The following LRP1B variants were observed in gnomAD, a reference collection of about 807,000 sequenced individuals.
LRP1B encodes low-density lipoprotein receptor-related protein 1B.
A neutral mutation model predicts 556.6 loss-of-function variants in LRP1B; 217 were observed. That is an observed-to-expected ratio of 0.39 (90% CI 0.35 to 0.44). The LOEUF is 0.44. Among genes scored for constraint, LRP1B ranks in the 20% least tolerant of loss-of-function variants. LRP1B has a pLI of 1.00. For missense variants in LRP1B, 5,053 were observed against 5,620.8 expected (o/e 0.90, Z 3.23); for synonymous variants, 2,047 against 1,865.8 (o/e 1.10, Z -2.50).
chr2:142,046,190 C>T (rs953330134), intron 1 of LRP1B, among the ~76,000 whole-genome samples: 1 of 151,840 alleles, frequency 6.6e-6, no homozygotes, highest in East Asian at 1.9e-4. Context: ...CATTGAATTT[C>T]TTACTCTTTT....
chr2:140,851,549 A>G, intron 28 of LRP1B, 103 bp downstream of exon 28: 2 of 1,373,876 alleles, frequency 1.5e-6, no homozygotes, highest in Non-Finnish European at 2.0e-6. Flanking sequence ...AAAACAGAAA[A>G]AAAAACTTCC....
At chr2:140,698,296 G>A (rs1686507445) in intron 41 of LRP1B, among the ~76,000 whole-genome samples, 1 of 151,852 alleles carries the variant, frequency 6.6e-6, no homozygotes, top group South Asian at 2.1e-4. Context: ...AATCATTACT[G>A]AAGACTCCAG....
intron 1 of LRP1B, among the ~76,000 whole-genome samples, chr2:141,948,154 C>G (rs1452473751): frequency 6.6e-6 from 1 of 151,872 alleles, no homozygotes; most frequent in Non-Finnish European, 1.5e-5. Flanking sequence ...AAAAAATTAG[C>G]TGGGTGTAGT....
At chr2:141,329,410 C>T (rs1454981165) in intron 3 of LRP1B, among the ~76,000 whole-genome samples, 6 of 137,330 alleles carry the variant, frequency 4.4e-5, no homozygotes, top group Non-Finnish European at 7.8e-5. Flanking sequence ...AAAGGGAGGC[C>T]GAGGCTGGTG....
intron 21 of LRP1B, among the ~76,000 whole-genome samples, chr2:140,909,515 A>G (rs1290038248): frequency 6.6e-6 from 1 of 151,528 alleles, no homozygotes; most frequent in African/African-American, 2.4e-5. Flanking sequence ...TGATAAAAAT[A>G]CTCTTAAAAT....
chr2:140,716,950 G>A, intron 35 of LRP1B, 134 bp from the exon 36 acceptor site: 1 of 421,732 alleles, frequency 2.4e-6, no homozygotes. Context: ...GTATTCTTCA[G>A]GATAATTTAC....
At chr2:141,095,007 A>G (rs971795230) in intron 7 of LRP1B, among the ~76,000 whole-genome samples, 19 of 152,284 alleles carry the variant, frequency 1.2e-4, no homozygotes, top group Admixed American at 5.2e-4. Context: ...CCAAGAGGGT[A>G]AAGTGAATGA....
At chr2:140,943,542 T>A (rs998579646) in intron 20 of LRP1B, among the ~76,000 whole-genome samples, 2 of 152,036 alleles carry the variant, frequency 1.3e-5, no homozygotes, top group African/African-American at 4.8e-5. Context: ...AATAAATTTT[T>A]AAAAAATCAA....
Position 141,185,394 on chromosome 2 carries a change from C to T in LRP1B, c.1013+3027G>A, listed in dbSNP as rs114694726. Reference sequence around the variant, plus strand: ...TGGAATATGATCTCTATGCTACCTGCCAACTCTAATGACTATAGAGAAATA... The same window carrying T: ...TGGAATATGATCTCTATGCTACCTGTCAACTCTAATGACTATAGAGAAATA... On this transcript the variant is annotated intron_variant, in intron 7 of 90. Coordinates refer to ENST00000389484, the MANE Select transcript of LRP1B (RefSeq NM_018557.3). Among the ~76,000 whole-genome samples the T allele has an allele frequency of 8.0e-4, 122 of 152,006 alleles. 1 individual carries two copies. The highest frequency in any genetic ancestry group is 2.7e-3 in the African/African-American group (112 of 41,508).
At position 140,450,678 on chromosome 2, in the gene LRP1B, A is replaced by AG; in HGVS notation, c.9964-18dup. On this transcript the variant is annotated splice_polypyrimidine_tract_variant and intron_variant, in intron 62 of 90. Transcript: ENST00000389484. ...GCAACGAAACTTAAAAAAGAAAAAA[A>AG]GAAAAAAAAATGTTGAAGAACCCAG... 1.3e-6 allele frequency: 2 copies of AG among 1,579,060 alleles called. No homozygotes were observed. The highest frequency in any genetic ancestry group is 1.4e-5 in the African/African-American group (1 of 73,342).
At chr2:141,957,263 T>C (rs1222048721) in intron 1 of LRP1B, among the ~76,000 whole-genome samples, 1 of 151,714 alleles carries the variant, frequency 6.6e-6, no homozygotes, top group Non-Finnish European at 1.5e-5. Context: ...TCACAAGGCA[T>C]GGGCTGGGAG....
At chr2:141,470,193 T>G (rs1234061914) in intron 3 of LRP1B, among the ~76,000 whole-genome samples, 2 of 152,232 alleles carry the variant, frequency 1.3e-5, no homozygotes, top group Admixed American at 1.3e-4. Context: ...GATTCCATCA[T>G]GAAAGTTGAA....
intron 2 of LRP1B, among the ~76,000 whole-genome samples, chr2:141,587,875 A>G (rs895992827): frequency 6.6e-6 from 1 of 152,218 alleles, no homozygotes; most frequent in African/African-American, 2.4e-5. Flanking sequence ...TAAACTAGCC[A>G]ACCAATAGTA....
At chr2:141,069,733 T>C (rs981699951) in intron 7 of LRP1B, among the ~76,000 whole-genome samples, 5 of 152,096 alleles carry the variant, frequency 3.3e-5, no homozygotes, top group Non-Finnish European at 7.4e-5. Flanking sequence ...TCTTAGGCTG[T>C]AATTGAAACT....
intron 58 of LRP1B, among the ~76,000 whole-genome samples, chr2:140,485,935 A>G (rs1469184438): frequency 6.6e-6 from 1 of 151,524 alleles, no homozygotes; most frequent in Non-Finnish European, 1.5e-5. Context: ...TAACAGTAGC[A>G]TTCCTCACTC....
At chr2:141,013,929 A>G (rs555836878) in intron 13 of LRP1B, among the ~76,000 whole-genome samples, 184 bp from the exon 14 acceptor site, 1 of 152,134 alleles carries the variant, frequency 6.6e-6, no homozygotes, top group South Asian at 2.1e-4. Flanking sequence ...AGGGCATGCT[A>G]TTTGAAGGAA....
At chr2:141,103,150 CA>C (rs1003876853) in intron 7 of LRP1B, among the ~76,000 whole-genome samples, 44 of 140,936 alleles carry the variant, frequency 3.1e-4, no homozygotes, top group Admixed American at 7.8e-4. Context: ...CATTTGATGC[CA>C]AAAAAAAAAG....
At chr2:140,708,869 A>G (rs1686934520) in intron 37 of LRP1B, among the ~76,000 whole-genome samples, 1 of 151,996 alleles carries the variant, frequency 6.6e-6, no homozygotes, top group Non-Finnish European at 1.5e-5. Context: ...TTGTTCCATG[A>G]CTTGCAACCT....
chr2:141,701,989 A>G (rs938061118), intron 2 of LRP1B, among the ~76,000 whole-genome samples: 1 of 151,914 alleles, frequency 6.6e-6, no homozygotes, highest in Non-Finnish European at 1.5e-5. Flanking sequence ...AAATTATGCT[A>G]TTTATTTTCA....
Sources: gnomAD v4.1 joint callset for allele counts (sites outside exome capture counted in the v4.1 genomes callset) on GRCh38, gnomAD v4.1.1 for gene constraint, MANE v1.5 for transcripts, NCBI Gene and HGNC (gene_info 2026-07-23, HGNC 2026-07-21) for gene names.